The following SLC24A4 variants were observed in gnomAD, a reference collection of about 807,000 sequenced individuals.
SLC24A4 encodes solute carrier family 24 member 4.
Under a neutral mutation model 79.0 loss-of-function variants are expected in SLC24A4, and 53 were observed. The observed-to-expected ratio is 0.67, with a 90% CI of 0.54 to 0.84. The LOEUF is 0.84. Ranked by LOEUF, SLC24A4 falls within the 40% of genes least tolerant of loss-of-function variation. SLC24A4 has a pLI of 0.00. For synonymous variants in SLC24A4, 323 were observed against 323.8 expected, an observed-to-expected ratio of 1.00 and a Z score of 0.03; for missense variants, 731 against 822.0, an observed-to-expected ratio of 0.89 and a Z score of 1.35.
At position 92,325,892 on chromosome 14, in the gene SLC24A4, A is replaced by G; in HGVS notation, c.155A>G (p.Lys52Arg). The G allele has an allele frequency of 2.5e-6, 4 of 1,611,282 alleles. No homozygotes were observed. The highest frequency in any genetic ancestry group is 3.4e-6 in the Non-Finnish European group (4 of 1,178,674). The part of the protein sequence containing the change: ...SLGHKTASAS[K>R]RVLPDTWRNR... ...GGGCACAAAACAGCTTCTGCTAGCA[A>G]ACGTGTCCTGCCAGACACGTGGAGA... The change falls in exon 2 of 17, where the codon AAA becomes AGA. Residue 52 changes from lysine (K) to arginine (R), a missense_variant. Transcript: ENST00000532405.
At chr14:92,366,441 G>T (rs1389069383) in intron 2 of SLC24A4, among the ~76,000 whole-genome samples, 3 of 152,234 alleles carry the variant, frequency 2.0e-5, no homozygotes, top group Non-Finnish European at 4.4e-5. Context: ...AGCCAGGCGG[G>T]TTTGCAGGTG....
In SLC24A4 at chr14:92,433,942, C is replaced by G. The variant is rs996819276; in HGVS notation, c.272C>G (p.Ser91Cys). Residue 91 changes from serine (S) to cysteine (C), a missense_variant, in exon 3 of 17, where the codon TCC (serine) becomes TGC (cysteine). Physicochemically the swap from Ser to Cys is moderately radical, Grantham distance 112. Transcript: ENST00000532405. ...AIHEFPTDLF[S>C]NKERQHGAVL... ...CACGAGTTCCCCACAGATCTGTTCT[C>G]CAATAAGGAGCGACAGCACGGAGCC... The G allele has an allele frequency of 1.2e-6, 2 of 1,614,182 alleles. No individual in the cohort carries two copies. Among genetic ancestry groups the G allele is most frequent in the South Asian group, 2.2e-5 (2 of 91,078 alleles).
chr14:92,327,632 G>A (rs949188228), intron 2 of SLC24A4, among the ~76,000 whole-genome samples: 2 of 152,206 alleles, frequency 1.3e-5, no homozygotes, highest in Admixed American at 6.5e-5. Flanking sequence ...TCTTGGGCTG[G>A]CCATGCCCTC....
At chr14:92,407,081 A>G (rs992906678) in intron 2 of SLC24A4, among the ~76,000 whole-genome samples, 4 of 152,158 alleles carry the variant, frequency 2.6e-5, no homozygotes, top group Non-Finnish European at 5.9e-5. Context: ...TGCTCTTAGG[A>G]CTTTCTTTTG....
rs1894893429 is a variant in SLC24A4, at chr14:92,478,560, T to A, written c.1256-4120T>A. Among the ~76,000 whole-genome samples the A allele has an allele frequency of 2.6e-5, 4 of 152,206 alleles. No homozygotes were observed. In the South Asian group the frequency reaches 8.3e-4, roughly 31 times the overall value. On this transcript the variant is annotated intron_variant, in intron 12 of 16. Coordinates refer to ENST00000532405, the MANE Select transcript of SLC24A4 (RefSeq NM_153646.4). ...TGGGTTTATTTCTGGACTCATAATT[T>A]TATTCCATTCTTCCAGTAGCAGTCT...
intron 12 of SLC24A4, among the ~76,000 whole-genome samples, chr14:92,476,777 C>T (rs537822063): frequency 2.6e-5 from 4 of 152,306 alleles, no homozygotes; most frequent in African/African-American, 9.6e-5. Context: ...CTATTCTTGA[C>T]ATTTATATAA....
intron 14 of SLC24A4, among the ~76,000 whole-genome samples, 158 bp from the exon 15 acceptor site, chr14:92,491,507 G>C (rs972278425): frequency 2.0e-5 from 3 of 152,160 alleles, no homozygotes; most frequent in African/African-American, 4.8e-5. Flanking sequence ...CTTCAGGAAG[G>C]GCATGGATCT....
chr14:92,447,638 G>C (rs1315163708), intron 9 of SLC24A4, among the ~76,000 whole-genome samples: 1 of 152,228 alleles, frequency 6.6e-6, no homozygotes, highest in Non-Finnish European at 1.5e-5. Context: ...GGCCAGGGGA[G>C]TCACGCTGGT....
chr14:92,371,799 C>T (rs894367801), intron 2 of SLC24A4, among the ~76,000 whole-genome samples: 1 of 152,220 alleles, frequency 6.6e-6, no homozygotes, highest in African/African-American at 2.4e-5. Context: ...AGAATAAAGA[C>T]ATTTTGAGCA....
chr14:92,380,278 C>T (rs1888764333), intron 2 of SLC24A4, among the ~76,000 whole-genome samples: 1 of 152,238 alleles, frequency 6.6e-6, no homozygotes, highest in Admixed American at 6.5e-5. Flanking sequence ...GAATGTTAAG[C>T]TCTAAGGAGC....
At chr14:92,449,334 T>G in intron 10 of SLC24A4, 118 bp downstream of exon 10, 1 of 1,286,688 alleles carries the variant, frequency 7.8e-7, no homozygotes. Flanking sequence ...CCTCTCACAA[T>G]GTCCCCCCTC....
intron 12 of SLC24A4, among the ~76,000 whole-genome samples, chr14:92,473,755 C>T (rs543331838): frequency 6.6e-6 from 1 of 152,190 alleles, no homozygotes; most frequent in Non-Finnish European, 1.5e-5. Flanking sequence ...TCTGCCTCTC[C>T]TCTCCTGATT....
chr14:92,430,007 C>T lies in SLC24A4; in HGVS notation c.242-3905C>T, dbSNP rs965122233. ...TCACTGTCTCTTGGTCGTCTGTTTACTTGTCCTACAGACCAGGCACGTCCG... is the reference window on the plus strand; with the variant it reads ...TCACTGTCTCTTGGTCGTCTGTTTATTTGTCCTACAGACCAGGCACGTCCG... On this transcript the variant is annotated intron_variant, in intron 2 of 16. Coordinates refer to ENST00000532405, the MANE Select transcript of SLC24A4 (RefSeq NM_153646.4). 3.3e-5 allele frequency among the ~76,000 whole-genome samples: 5 copies of T among 152,228 alleles called. No homozygotes were observed. The East Asian group carries it at 9.6e-4, about 29-fold the overall frequency.
intron 11 of SLC24A4, 110 bp downstream of exon 11, chr14:92,454,179 T>G: frequency 1.7e-6 from 2 of 1,171,000 alleles, no homozygotes; most frequent in Non-Finnish European, 2.4e-6. Context: ...TAAGGAAGGA[T>G]GCCCTGGGGC....
chr14:92,374,168 T>G (rs904244111), intron 2 of SLC24A4, among the ~76,000 whole-genome samples: 1 of 152,248 alleles, frequency 6.6e-6, no homozygotes, highest in African/African-American at 2.4e-5. Flanking sequence ...CGAAGCATGG[T>G]TCTGGGGACC....
At chr14:92,373,211 C>CACACAT (rs145882618) in intron 2 of SLC24A4, among the ~76,000 whole-genome samples, 1 of 149,308 alleles carries the variant, frequency 6.7e-6, no homozygotes, top group Non-Finnish European at 1.5e-5. Context: ...CACACACACA[C>CACACAT]ATATATATAT....
chr14:92,455,998 G>A (rs57904958), intron 11 of SLC24A4, among the ~76,000 whole-genome samples: 1,839 of 152,230 alleles, frequency 0.012, 43 homozygotes, highest in African/African-American at 0.042. Context: ...ACCGTGCCCG[G>A]CAGTGAGTGT....
chr14:92,342,644 A>G (rs1886230906), intron 2 of SLC24A4, among the ~76,000 whole-genome samples: 1 of 152,152 alleles, frequency 6.6e-6, no homozygotes, highest in South Asian at 2.1e-4. Flanking sequence ...CGGCCTCCCA[A>G]GTGCTGAGAT....
At chr14:92,449,307 CA>C (rs1893002528) in intron 10 of SLC24A4, 91 bp downstream of exon 10, 10 of 1,308,860 alleles carry the variant, frequency 7.6e-6, no homozygotes, top group African/African-American at 1.5e-5. Flanking sequence ...CACACACACA[CA>C]CACACACACA....
Sources: gnomAD v4.1 joint callset for allele counts (sites outside exome capture counted in the v4.1 genomes callset) on GRCh38, gnomAD v4.1.1 for gene constraint, MANE v1.5 for transcripts, NCBI Gene and HGNC (gene_info 2026-07-23, HGNC 2026-07-21) for gene names.